The following PTPRK variants were observed in gnomAD, a reference collection of about 807,000 sequenced individuals.
The protein encoded by PTPRK is protein tyrosine phosphatase receptor type K.
PTPRK carries 75 observed loss-of-function variants against 178.0 expected under a neutral mutation model. That is an observed-to-expected ratio of 0.42 (90% CI 0.35 to 0.51). PTPRK has a LOEUF of 0.51. Among genes scored for constraint, PTPRK ranks in the 20% least tolerant of loss-of-function variants. The probability of loss-of-function intolerance (pLI) is 0.02; values close to 1 mark genes in which losing one functional copy is unlikely to be tolerated. For synonymous variants in PTPRK, 637 were observed against 620.6 expected (o/e 1.03, Z -0.39); for missense variants, 1,441 against 1,797.8 (o/e 0.80, Z 3.59).
intron 13 of PTPRK, among the ~76,000 whole-genome samples, chr6:128,028,376 T>C (rs35335036): frequency 0.094 from 14,382 of 152,290 alleles, 955 homozygotes; most frequent in Non-Finnish European, 0.15. Context: ...GAAAGTGCTT[T>C]AGCACTGTTG....
chr6:128,315,580 C>T (rs1202922673), intron 3 of PTPRK, among the ~76,000 whole-genome samples: 1 of 152,072 alleles, frequency 6.6e-6, no homozygotes, highest in Non-Finnish European at 1.5e-5. Context: ...CACTAGATTA[C>T]ATGAGTAAAA....
At chr6:128,101,785 C>T (rs1583011282) in intron 7 of PTPRK, among the ~76,000 whole-genome samples, 1 of 152,098 alleles carries the variant, frequency 6.6e-6, no homozygotes, top group East Asian at 1.9e-4. Flanking sequence ...CATCTGCTAC[C>T]AAAACTAATG....
chr6:128,248,261 C>A (rs921862239), intron 3 of PTPRK, among the ~76,000 whole-genome samples: 1 of 152,136 alleles, frequency 6.6e-6, no homozygotes, highest in Non-Finnish European at 1.5e-5. Context: ...CAAATGATAA[C>A]AAGACTATAT....
intron 3 of PTPRK, among the ~76,000 whole-genome samples, chr6:128,318,348 CA>C (rs1468063115): frequency 1.3e-5 from 2 of 152,056 alleles, no homozygotes; most frequent in Non-Finnish European, 2.9e-5. Context: ...GACAAAATAT[CA>C]ATATAATATA....
intron 1 of PTPRK, among the ~76,000 whole-genome samples, chr6:128,432,908 T>C (rs1397298424): frequency 2.6e-5 from 4 of 152,196 alleles, no homozygotes; most frequent in Non-Finnish European, 5.9e-5. Context: ...TTTGCAGCTA[T>C]AGTTTATTTT....
intron 5 of PTPRK, among the ~76,000 whole-genome samples, chr6:128,229,756 T>G (rs1811987802): frequency 1.3e-5 from 2 of 152,188 alleles, no homozygotes; most frequent in African/African-American, 4.8e-5. Flanking sequence ...ATTAAATATA[T>G]TTAAATCCAT....
intron 7 of PTPRK, among the ~76,000 whole-genome samples, chr6:128,091,315 T>C (rs1720492965): frequency 6.6e-6 from 1 of 152,216 alleles, no homozygotes; most frequent in South Asian, 2.1e-4. Context: ...CGAGGCTTTC[T>C]AATTATTTTA....
chr6:128,212,368 A>G (rs1808357430), intron 6 of PTPRK, among the ~76,000 whole-genome samples: 2 of 152,064 alleles, frequency 1.3e-5, no homozygotes, highest in South Asian at 4.1e-4. Flanking sequence ...AGACTAAAAA[A>G]TCTTAGTTCA....
At chr6:128,067,925 G>C (rs1782115864) in intron 11 of PTPRK, 133 bp from the exon 12 acceptor site, 2 of 843,692 alleles carry the variant, frequency 2.4e-6, no homozygotes, top group African/African-American at 3.5e-5. Flanking sequence ...GTCTTAACCT[G>C]GTATACTCTT....
chr6:128,489,881 G>A (rs1853515787), intron 1 of PTPRK, among the ~76,000 whole-genome samples: 1 of 152,098 alleles, frequency 6.6e-6, no homozygotes, highest in South Asian at 2.1e-4. Flanking sequence ...TGCATTTTCA[G>A]GAAGCTTCCC....
chr6:128,479,960 C>T (rs901565830), intron 1 of PTPRK, among the ~76,000 whole-genome samples: 3 of 152,142 alleles, frequency 2.0e-5, no homozygotes, highest in African/African-American at 7.2e-5. Flanking sequence ...CATAACCAAA[C>T]TCAGTGGTGG....
In PTPRK at chr6:127,990,858, C is replaced by T. The variant is rs1391103295; in HGVS notation, c.3007G>A (p.Asp1003Asn). Residue 1003 changes from aspartate to asparagine, a missense_variant, in exon 21 of 30, where the codon GAT becomes AAT. Coordinates refer to ENST00000368226, the MANE Select transcript of PTPRK (RefSeq NM_002844.4). ...RVKCYKYWPD[D>N]TEVYGDFKVT... ...TTGAAGTCACCATAAACTTCAGTAT[C>T]ATCAGGCCAATATTTATAGCATTTA... The T allele has an allele frequency of 1.2e-6, 2 of 1,609,434 alleles. No homozygotes were observed. The highest frequency in any genetic ancestry group is 1.7e-6 in the Non-Finnish European group (2 of 1,176,232).
At chr6:128,347,413 T>G (rs914886539) in intron 2 of PTPRK, among the ~76,000 whole-genome samples, 4 of 152,198 alleles carry the variant, frequency 2.6e-5, no homozygotes, top group Non-Finnish European at 5.9e-5. Context: ...ACTGACTAAA[T>G]TAATTGCAGG....
At chr6:128,083,849 T>A (rs780335553) in intron 8 of PTPRK, 25 bp from the exon 9 acceptor site, 1 of 1,354,988 alleles carries the variant, frequency 7.4e-7, no homozygotes, top group South Asian at 1.5e-5. Context: ...AATTTTTTGT[T>A]ATGAAAATGC....
At chr6:128,077,231 T>C (rs996510333) in intron 11 of PTPRK, among the ~76,000 whole-genome samples, 3 of 152,004 alleles carry the variant, frequency 2.0e-5, no homozygotes, top group African/African-American at 7.2e-5. Flanking sequence ...GGAAAAGATG[T>C]TGAGTGCAGG....
At chr6:128,182,340 C>T (rs1802043177) in intron 7 of PTPRK, among the ~76,000 whole-genome samples, 1 of 152,094 alleles carries the variant, frequency 6.6e-6, no homozygotes, top group Non-Finnish European at 1.5e-5. Flanking sequence ...CTTTGGTAGG[C>T]CGAGGCGGGC....
intron 2 of PTPRK, among the ~76,000 whole-genome samples, chr6:128,361,084 G>C (rs1421751817): frequency 6.6e-6 from 1 of 152,078 alleles, no homozygotes; most frequent in Non-Finnish European, 1.5e-5. Context: ...ATAAGGACTA[G>C]CTTTCCAACC....
intron 8 of PTPRK, among the ~76,000 whole-genome samples, chr6:128,089,034 C>T (rs1166802799): frequency 2.0e-5 from 3 of 152,180 alleles, no homozygotes; most frequent in Non-Finnish European, 4.4e-5. Flanking sequence ...GCGATCTCAG[C>T]TCTCTGTAAC....
intron 3 of PTPRK, among the ~76,000 whole-genome samples, chr6:128,263,746 C>T (rs557174677): frequency 2.0e-5 from 3 of 152,186 alleles, no homozygotes; most frequent in South Asian, 2.1e-4. Context: ...CTGTACAAGC[C>T]GCTCTTGCAC....
Sources: allele counts gnomAD v4.1 joint callset (sites outside exome capture counted in the v4.1 genomes callset), GRCh38; gene constraint gnomAD v4.1.1; transcripts MANE v1.5; gene names NCBI Gene and HGNC (gene_info 2026-07-23, HGNC 2026-07-21).